Variants in CNTNAP5 observed in about 807,000 individuals in gnomAD.
CNTNAP5 encodes the protein contactin-associated protein-like 5.
CNTNAP5 carries 72 observed loss-of-function variants against 150.2 expected under a neutral mutation model. The observed-to-expected ratio is 0.48, with a 90% CI of 0.40 to 0.58. The LOEUF (loss-of-function observed/expected upper bound fraction) is 0.58, where lower values mean the gene tolerates loss of function less well. Among genes scored for constraint, CNTNAP5 ranks in the 20% least tolerant of loss-of-function variants. The pLI is 0.00. For missense variants in CNTNAP5, 1,636 were observed against 1,626.2 expected, an observed-to-expected ratio of 1.01 and a Z score of -0.10; for synonymous variants, 672 against 619.8, an observed-to-expected ratio of 1.08 and a Z score of -1.25.
At chr2:124,418,034 T>C (rs1462486101) in intron 4 of CNTNAP5, among the ~76,000 whole-genome samples, 3 of 152,196 alleles carry the variant, frequency 2.0e-5, no homozygotes, top group African/African-American at 7.2e-5. Flanking sequence ...GCTTTCTCCT[T>C]GAAATGATCT....
At position 124,813,389 on chromosome 2, in the gene CNTNAP5, C is replaced by CT. The variant is rs948740262; in HGVS notation, c.3217+15078dup. On this transcript the variant is annotated intron_variant, in intron 19 of 23. Transcript: ENST00000682447. ...ACCGTGCCTGGCCTGTTTTTTTTTT[C>CT]TTTTTTTTTCTTTTTTTGAAGAAAA... Among the ~76,000 whole-genome samples, 78 of 143,572 alleles carry CT rather than the reference C, an allele frequency of 5.4e-4. 1 individual carries two copies. Among genetic ancestry groups the CT allele is most frequent in the Non-Finnish European group, 5.6e-4 (36 of 64,640 alleles). 94.2% of individuals were successfully genotyped at this position (143,572 alleles called of 152,430 possible).
chr2:124,058,455 T>C (rs1316039233), intron 1 of CNTNAP5, among the ~76,000 whole-genome samples: 3 of 152,064 alleles, frequency 2.0e-5, no homozygotes, highest in African/African-American at 7.2e-5. Flanking sequence ...ACATCAATCA[T>C]CTCTCCCTTA....
chr2:124,513,366 T>A (rs1694636958), intron 8 of CNTNAP5, among the ~76,000 whole-genome samples: 1 of 152,196 alleles, frequency 6.6e-6, no homozygotes, highest in South Asian at 2.1e-4. Flanking sequence ...TACAATTGTG[T>A]TTTTAGGTAT....
At chr2:124,749,896 C>T (rs1680689010) in intron 14 of CNTNAP5, among the ~76,000 whole-genome samples, 1 of 152,134 alleles carries the variant, frequency 6.6e-6, no homozygotes, top group Non-Finnish European at 1.5e-5. Context: ...GGCCTTATAT[C>T]CCTTAATTGG....
At chr2:124,417,422 C>T in intron 3 of CNTNAP5, 21 bp from the exon 4 acceptor site, 1 of 1,609,282 alleles carries the variant, frequency 6.2e-7, no homozygotes, top group Non-Finnish European at 8.5e-7. Flanking sequence ...GACCTCACTG[C>T]CTCTCCTTTC....
In CNTNAP5 at chr2:124,918,887, T is replaced by C. The variant is rs1678819800; in HGVS notation, c.*4599T>C. The stretch of plus-strand genomic sequence containing the variant: ...CAAAACTTTCAGAAGTCTAGGAGGA[T>C]AACTGAGTGCTATTTTCTGTCTCAT... On this transcript the variant is annotated 3_prime_UTR_variant, in exon 24 of 24. Coordinates refer to ENST00000682447, the MANE Select transcript of CNTNAP5 (RefSeq NM_001367498.1). 6.6e-6 allele frequency among the ~76,000 whole-genome samples: 1 copy of C among 152,172 alleles called. No homozygotes were observed. The highest frequency in any genetic ancestry group is 1.5e-5 in the Non-Finnish European group (1 of 68,012).
In CNTNAP5 at chr2:124,249,281, T is replaced by A. The variant is rs138234833; in HGVS notation, c.381+6888T>A. 4.0e-3 allele frequency among the ~76,000 whole-genome samples: 606 copies of A among 152,326 alleles called. 2 individuals are homozygous for A. Among genetic ancestry groups the A allele is most frequent in the African/African-American group, 0.014 (572 of 41,586 alleles). On this transcript the variant is annotated intron_variant, in intron 3 of 23. Transcript: ENST00000682447. ...TACCTGGGAATTACTCTGCCGTCTC[T>A]TGTGGGGAAAATCCACATTCTATAA...
intron 8 of CNTNAP5, among the ~76,000 whole-genome samples, chr2:124,516,845 G>A (rs1026623212): frequency 2.0e-5 from 3 of 151,822 alleles, no homozygotes; most frequent in Non-Finnish European, 4.4e-5. Context: ...TTTTATGGAG[G>A]AATTGGTGGG....
At chr2:124,662,383 A>T (rs1678610793) in intron 13 of CNTNAP5, among the ~76,000 whole-genome samples, 2 of 152,212 alleles carry the variant, frequency 1.3e-5, no homozygotes, top group Non-Finnish European at 2.9e-5. Flanking sequence ...TTCTGGTTCT[A>T]GATCCTTGAG....
intron 10 of CNTNAP5, among the ~76,000 whole-genome samples, chr2:124,533,405 C>T (rs533989637): frequency 3.3e-5 from 5 of 152,194 alleles, no homozygotes; most frequent in East Asian, 1.9e-4. Context: ...CTAAGAAATT[C>T]GTGTGTGATG....
chr2:124,374,841 A>G (rs1690607272), intron 3 of CNTNAP5, among the ~76,000 whole-genome samples: 1 of 152,092 alleles, frequency 6.6e-6, no homozygotes, highest in South Asian at 2.1e-4. Flanking sequence ...CCTATGACTC[A>G]CAAAAGTAAG....
intron 3 of CNTNAP5, among the ~76,000 whole-genome samples, chr2:124,351,585 T>C (rs1297580456): frequency 6.6e-6 from 1 of 152,090 alleles, no homozygotes; most frequent in Non-Finnish European, 1.5e-5. Flanking sequence ...GAATAAGAGT[T>C]ACAGGGAGAT....
chr2:124,059,637 A>G (rs1010782565), intron 1 of CNTNAP5, among the ~76,000 whole-genome samples: 1 of 151,950 alleles, frequency 6.6e-6, no homozygotes, highest in Non-Finnish European at 1.5e-5. Flanking sequence ...ATTTTCTAGC[A>G]TGGTAGCTAG....
chr2:124,495,593 T>C, intron 7 of CNTNAP5, among the ~76,000 whole-genome samples: 1 of 152,194 alleles, frequency 6.6e-6, no homozygotes, highest in Non-Finnish European at 1.5e-5. Context: ...AGGGCCTTCC[T>C]TCCATTTCTA....
chr2:124,060,221 T>A (rs1041920182), intron 1 of CNTNAP5, among the ~76,000 whole-genome samples: 5 of 152,170 alleles, frequency 3.3e-5, no homozygotes, highest in African/African-American at 1.2e-4. Flanking sequence ...CCCACTTGTA[T>A]CAGAAATCCG....
intron 1 of CNTNAP5, among the ~76,000 whole-genome samples, chr2:124,202,241 T>A (rs1294382271): frequency 8.5e-5 from 13 of 152,146 alleles, no homozygotes. Flanking sequence ...AGTAAGTTTC[T>A]CCCAATTTCC....
intron 1 of CNTNAP5, among the ~76,000 whole-genome samples, chr2:124,121,973 AT>A (rs1683572922): frequency 6.6e-6 from 1 of 152,132 alleles, no homozygotes; most frequent in Admixed American, 6.6e-5. Flanking sequence ...TTGTATGTTC[AT>A]TTTTCCTCCT....
chr2:124,650,470 G>T (rs896592001), intron 13 of CNTNAP5, among the ~76,000 whole-genome samples: 4 of 152,202 alleles, frequency 2.6e-5, no homozygotes, highest in African/African-American at 9.7e-5. Flanking sequence ...GGATTCAACA[G>T]CCAGCATCCA....
At chr2:124,881,168 G>A (rs75209095) in intron 21 of CNTNAP5, among the ~76,000 whole-genome samples, 8,051 of 152,134 alleles carry the variant, frequency 0.053, 666 homozygotes, top group African/African-American at 0.18. Context: ...AGGAGCTCTC[G>A]TGGTCAGAGC....
Sources: gnomAD v4.1 joint callset for allele counts (sites outside exome capture counted in the v4.1 genomes callset) on GRCh38, gnomAD v4.1.1 for gene constraint, MANE v1.5 for transcripts, NCBI Gene and HGNC (gene_info 2026-07-23, HGNC 2026-07-21) for gene names.